MAP3K12: variants seen among roughly 807,000 people sequenced by gnomAD.
MAP3K12 encodes mitogen-activated protein kinase kinase kinase 12.
MAP3K12 carries 14 observed loss-of-function variants against 87.5 expected under a neutral mutation model. The observed-to-expected ratio is 0.16, with a 90% confidence interval of 0.11 to 0.25. The LOEUF (loss-of-function observed/expected upper bound fraction) is 0.25, where lower values mean the gene tolerates loss of function less well. Among genes scored for constraint, MAP3K12 ranks in the 10% least tolerant of loss-of-function variants. The pLI is 1.00. For synonymous variants in MAP3K12, 469 were observed against 452.5 expected, an observed-to-expected ratio of 1.04 and a Z score of -0.46; for missense variants, 802 against 1,140.4, an observed-to-expected ratio of 0.70 and a Z score of 4.27.
Position 53,483,079 on chromosome 12 carries a change from C to G in MAP3K12, c.1724G>C (p.Arg575Pro). The change falls in exon 11 of 14, where the codon CGT becomes CCT. Residue 575 changes from arginine to proline, a missense_variant. Physicochemically the swap from Arg to Pro is moderately radical, Grantham distance 103 (BLOSUM62 -2). Around this residue, in one of 5 missense-constraint regions of MAP3K12, gnomAD observed 490 missense variants for 496.6 expected, o/e 0.99. Coordinates refer to ENST00000547488, the MANE Select transcript of MAP3K12 (RefSeq NM_001193511.2). Reference protein sequence around the residue: ...KGPPSPGRSRRGKTRHRKASA... With the variant: ...KGPPSPGRSRPGKTRHRKASA... ...GGCCTTGCGGTGACGGGTCTTGCCA[C>G]GGCGACTCCGTCCTGGTGAGGGGGG... 3 of 1,536,864 alleles carry G rather than the reference C, an allele frequency of 2.0e-6. No individual in the cohort carries two copies. Among genetic ancestry groups the G allele is most frequent in the Non-Finnish European group, 2.6e-6 (3 of 1,143,552 alleles).
chr12:53,482,245 C>T, intron 12 of MAP3K12, 34 bp from the exon 13 acceptor site: 1 of 1,614,204 alleles, frequency 6.2e-7, no homozygotes, highest in Non-Finnish European at 8.5e-7. Flanking sequence ...CAGCTTGGTT[C>T]TGCCCCTAGC....
rs768226461 is a variant in MAP3K12, at chr12:53,486,399, C to T, written c.629+40G>A. The T allele has an allele frequency of 1.2e-6, 2 of 1,605,620 alleles. No homozygotes were observed. Among genetic ancestry groups the T allele is most frequent in the East Asian group, 4.5e-5 (2 of 44,870 alleles). On this transcript the variant is annotated intron_variant, in intron 3 of 13. Coordinates refer to ENST00000547488, the MANE Select transcript of MAP3K12 (RefSeq NM_001193511.2). The surrounding 1 kb of genome is among the most constrained non-coding windows in gnomAD (Gnocchi z 4.9). ...TGCCCAGGAGGGTACCAGGCCTTAG[C>T]ATAGTATCCCCAACACCCAGCCCCT...
At chr12:53,487,550 C>T (rs1039011826) in intron 1 of MAP3K12, 122 bp from the exon 2 acceptor site, 5 of 952,568 alleles carry the variant, frequency 5.2e-6, no homozygotes, top group African/African-American at 5.0e-5. Flanking sequence ...GGAGGTAACA[C>T]TTGTGGCTCC....
intron 4 of MAP3K12, 97 bp downstream of exon 4, chr12:53,485,959 A>G: frequency 1.7e-6 from 2 of 1,184,222 alleles, no homozygotes; most frequent in Non-Finnish European, 2.4e-6. Context: ...AGATGGCCAC[A>G]TGGACCTAGG....
intron 1 of MAP3K12, among the ~76,000 whole-genome samples, chr12:53,495,812 G>T (rs1312405507): frequency 6.6e-6 from 1 of 152,130 alleles, no homozygotes; most frequent in Admixed American, 6.5e-5. Context: ...GAGAACTTGG[G>T]GGAAAACTGG....
At chr12:53,499,364 C>G (rs1943624617) in intron 1 of MAP3K12, 63 bp downstream of exon 1, 1 of 152,816 alleles carries the variant, frequency 6.5e-6, no homozygotes, top group Non-Finnish European at 1.5e-5. Context: ...CCTCCACGCC[C>G]GGATCCCAGG....
intron 4 of MAP3K12, 28 bp from the exon 5 acceptor site, chr12:53,485,503 C>CG (rs752205603): frequency 1.9e-6 from 3 of 1,599,990 alleles, no homozygotes; most frequent in Non-Finnish European, 2.6e-6. Context: ...CAGCTGGGGT[C>CG]CACACCCCTC....
intron 1 of MAP3K12, among the ~76,000 whole-genome samples, chr12:53,488,594 G>A (rs1322267521): frequency 6.6e-6 from 1 of 152,024 alleles, no homozygotes; most frequent in East Asian, 1.9e-4. Context: ...CCGGGAGGCT[G>A]AGGTTTTGGT....
Position 53,480,198 on chromosome 12 carries a change from T to C in MAP3K12, c.*984A>G, listed in dbSNP as rs1592701792. 1 of 152,230 alleles carries C rather than the reference T, an allele frequency of 6.6e-6. No individual in the cohort carries two copies. The highest frequency in any genetic ancestry group is 2.1e-4 in the South Asian group (1 of 4,836). 9.4% of individuals were successfully genotyped at this position (152,230 alleles called of 1,614,324 possible). The stretch of plus-strand genomic sequence containing the variant: ...TGACTGGGTTCCAGTTTCTTGGGAA[T>C]GTTGGTCCCCTTGTTCAGGCTTGCA... On this transcript the variant is annotated 3_prime_UTR_variant, in exon 14 of 14. Transcript: ENST00000547488.
At chr12:53,500,082 C>T (rs1943650726), upstream of MAP3K12, 1 of 152,292 alleles carries the variant, frequency 6.6e-6, no homozygotes. Context: ...TGGATGACCC[C>T]TCATTATCAT....
At position 53,487,183 on chromosome 12, in the gene MAP3K12, T is replaced by G. The variant is rs773315703; in HGVS notation, c.209A>C (p.Glu70Ala). The G allele has an allele frequency of 6.2e-7, 1 of 1,613,614 alleles. No homozygotes were observed. Among genetic ancestry groups the G allele is most frequent in the African/African-American group, 1.3e-5 (1 of 74,848 alleles). The change falls in exon 2 of 14, where the codon GAG becomes GCG. Residue 70 changes from glutamate (E) to alanine (A), a missense_variant. By Grantham distance (107) the Glu-to-Ala change is moderately radical (BLOSUM62 -1). Around this residue, in one of 5 missense-constraint regions of MAP3K12, gnomAD observed 135 missense variants for 151.6 expected, o/e 0.89. Coordinates refer to ENST00000547488, the MANE Select transcript of MAP3K12 (RefSeq NM_001193511.2). ...GGGPSPSPGG[E>A]PPPEPFANSV... ...GTTGGCAAAAGGCTCAGGGGGCGGC[T>G]CTCCACCTGGGGAGGGGCTGGGCCC...
chr12:53,485,923 G>A, intron 4 of MAP3K12, 133 bp downstream of exon 4: 1 of 775,234 alleles, frequency 1.3e-6, no homozygotes, highest in Non-Finnish European at 2.1e-6. Flanking sequence ...TTCTGAGATG[G>A]GACTGTCACT....
rs73313234 is a variant in MAP3K12, at chr12:53,497,191, A to G, written c.-38+2236T>C. ...GGTCTTGTTACGGGCATGATTAAGAAAATCAAAATAAAGTTCTTGGCCCAG... is the reference window on the plus strand; with the variant it reads ...GGTCTTGTTACGGGCATGATTAAGAGAATCAAAATAAAGTTCTTGGCCCAG... On this transcript the variant is annotated intron_variant, in intron 1 of 13. Coordinates refer to ENST00000547488, the MANE Select transcript of MAP3K12 (RefSeq NM_001193511.2). Among the ~76,000 whole-genome samples, 271 of 152,360 alleles carry G rather than the reference A, an allele frequency of 1.8e-3. 1 individual carries two copies. The highest frequency in any genetic ancestry group is 5.5e-3 in the African/African-American group (230 of 41,588).
At chr12:53,484,914 G>C (rs1943187330) in intron 6 of MAP3K12, 142 bp downstream of exon 6, 6 of 1,084,608 alleles carry the variant, frequency 5.5e-6, no homozygotes, top group Non-Finnish European at 8.0e-6. Flanking sequence ...ACTCAGCTCA[G>C]AAGGTAGCAT....
intron 1 of MAP3K12, among the ~76,000 whole-genome samples, chr12:53,497,552 C>G (rs959423947): frequency 5.9e-5 from 9 of 152,204 alleles, no homozygotes; most frequent in African/African-American, 2.2e-4. Flanking sequence ...ACAGACCAGT[C>G]TCTGTGGCCA....
At chr12:53,496,761 T>G (rs747278125) in intron 1 of MAP3K12, among the ~76,000 whole-genome samples, 1 of 152,200 alleles carries the variant, frequency 6.6e-6, no homozygotes, top group Non-Finnish European at 1.5e-5. Flanking sequence ...AAAATTTAAA[T>G]TGTAAAAGAG....
upstream of MAP3K12, chr12:53,501,184 C>G: frequency 5.2e-6 from 3 of 578,364 alleles, no homozygotes; most frequent in South Asian, 6.3e-5. Context: ...GGCGGTGCAG[C>G]CTGCCCGGGC....
rs766823119 is a variant in MAP3K12, at chr12:53,481,272, G to C, written c.2589C>G (p.Pro863=). ...HQELLRERGP[P]NSEDSDCDST... is the part of the protein sequence containing the mutation. ...TGTCACAGTCTGAGTCCTCAGAATTGGGAGGGCCCTGTGAGAAAGAGTAGA... is the reference window on the plus strand; with the variant it reads ...TGTCACAGTCTGAGTCCTCAGAATTCGGAGGGCCCTGTGAGAAAGAGTAGA... Residue 863 remains proline (P), a synonymous_variant, in exon 14 of 14, where the codon CCC becomes CCG. Coordinates refer to ENST00000547488, the MANE Select transcript of MAP3K12 (RefSeq NM_001193511.2). 11 of 1,550,094 alleles carry C rather than the reference G, an allele frequency of 7.1e-6. No homozygotes were observed. Among genetic ancestry groups the C allele is most frequent in the Non-Finnish European group, 9.6e-6 (11 of 1,148,750 alleles).
Position 53,486,780 on chromosome 12 carries a change from A to ATGGG in MAP3K12, c.446-162_446-159dup. 1 of 1,468,792 alleles carries ATGGG rather than the reference A, an allele frequency of 6.8e-7. No individual in the cohort carries two copies. The highest frequency in any genetic ancestry group is 9.0e-7 in the Non-Finnish European group (1 of 1,115,198). 91.0% of individuals were successfully genotyped at this position (1,468,792 alleles called of 1,614,324 possible). A position where few individuals can be genotyped will look rare whatever the true frequency, so the allele number is the denominator to read the frequency against. On this transcript the variant is annotated intron_variant, in intron 2 of 13. Transcript: ENST00000547488. The surrounding 1 kb of genome is among the most constrained non-coding windows in gnomAD (Gnocchi z 4.9). ...GTTCGAGGGGACAGGGAAGGAATGA[A>ATGGG]TGGGTGGCCTTAAAAGAAGCTGGGA...
Sources: allele counts gnomAD v4.1 joint callset (sites outside exome capture counted in the v4.1 genomes callset), GRCh38; gene constraint gnomAD v4.1.1; regional missense constraint gnomAD v4.1.1; non-coding constraint Gnocchi (gnomAD v3.1); transcripts MANE v1.5; gene names NCBI Gene and HGNC (gene_info 2026-07-23, HGNC 2026-07-21).